TCAF1: variants seen among roughly 807,000 people sequenced by gnomAD.
The protein encoded by TCAF1 is TRPM8 channel-associated factor 1.
TCAF1 carries 4 observed loss-of-function variants against 27.3 expected under a neutral mutation model. That is an observed-to-expected ratio of 0.15 (90% CI 0.07 to 0.34). TCAF1 has a LOEUF of 0.34. Ranked by LOEUF, TCAF1 falls within the 10% of genes least tolerant of loss-of-function variation. The pLI is 1.00. For missense variants in TCAF1, 257 were observed against 425.8 expected (o/e 0.60, Z 3.49); for synonymous variants, 105 against 167.1 (o/e 0.63, Z 2.87).
chr7:143,887,856 C>T (rs1813482931), intron 1 of TCAF1, among the ~76,000 whole-genome samples: 1 of 152,092 alleles, frequency 6.6e-6, no homozygotes, highest in Non-Finnish European at 1.5e-5. Flanking sequence ...AGAGTACATA[C>T]TATATTGTTA....
chr7:143,885,959 C>T (rs993870001), intron 1 of TCAF1, among the ~76,000 whole-genome samples: 1 of 152,188 alleles, frequency 6.6e-6, no homozygotes, highest in African/African-American at 2.4e-5. Flanking sequence ...AATATCCTCA[C>T]CCAAGCAGCT....
intron 1 of TCAF1, among the ~76,000 whole-genome samples, chr7:143,887,417 G>GA (rs1813460019): frequency 6.6e-6 from 1 of 152,134 alleles, no homozygotes; most frequent in African/African-American, 2.4e-5. Flanking sequence ...AAAACATAAG[G>GA]ACAAATTTGG....
chr7:143,894,112 A>T (rs960371179), intron 1 of TCAF1, among the ~76,000 whole-genome samples: 1 of 151,880 alleles, frequency 6.6e-6, no homozygotes, highest in Non-Finnish European at 1.5e-5. Context: ...TAAATTTAAC[A>T]AACTCAGATG....
At chr7:143,891,690 G>A (rs1813643222) in intron 1 of TCAF1, among the ~76,000 whole-genome samples, 1 of 152,026 alleles carries the variant, frequency 6.6e-6, no homozygotes, top group African/African-American at 2.4e-5. Flanking sequence ...AGTCCCAGAC[G>A]GAAAGGAAGG....
At chr7:143,871,413 A>ATAG (rs1812457536) in intron 2 of TCAF1, among the ~76,000 whole-genome samples, 1 of 63,354 alleles carries the variant, frequency 1.6e-5, no homozygotes, top group Non-Finnish European at 3.3e-5. Flanking sequence ...ATCCATGAGT[A>ATAG]TAGGGTGATA....
intron 1 of TCAF1, among the ~76,000 whole-genome samples, chr7:143,880,187 G>C (rs112641005): frequency 6.6e-6 from 1 of 152,212 alleles, no homozygotes; most frequent in Non-Finnish European, 1.5e-5. Flanking sequence ...CGTGATTTCT[G>C]TAACTTATTT....
intron 1 of TCAF1, among the ~76,000 whole-genome samples, chr7:143,892,935 C>T (rs1813712881): frequency 6.6e-6 from 1 of 152,140 alleles, no homozygotes; most frequent in African/African-American, 2.4e-5. Context: ...TGTTTAACCA[C>T]CAGTCTATCA....
intron 1 of TCAF1, among the ~76,000 whole-genome samples, chr7:143,888,484 G>A (rs1007255674): frequency 6.6e-6 from 1 of 152,230 alleles, no homozygotes; most frequent in African/African-American, 2.4e-5. Flanking sequence ...GTAAATTCAT[G>A]TCACAGAAGA....
Position 143,891,299 on chromosome 7 carries a change from A to T in TCAF1, c.-15+10662T>A, listed in dbSNP as rs549554442. ...AACAGAATAAGTTGCCAATAACTCA[A>T]GAGAAATAACAGAAAATAAACACAG... is the stretch of plus-strand genomic sequence containing the variant. On this transcript the variant is annotated intron_variant, in intron 1 of 8. Coordinates refer to ENST00000479870, the MANE Select transcript of TCAF1 (RefSeq NM_014719.3). 3.3e-5 allele frequency among the ~76,000 whole-genome samples: 5 copies of T among 152,374 alleles called. No homozygotes were observed. The East Asian group carries it at 9.6e-4, about 29-fold the overall frequency.
intron 1 of TCAF1, among the ~76,000 whole-genome samples, chr7:143,900,514 G>A (rs1414114635): frequency 1.3e-5 from 2 of 152,002 alleles, no homozygotes; most frequent in African/African-American, 4.8e-5. Context: ...CCTGGGAGAG[G>A]TCCTCGACCC....
intron 2 of TCAF1, among the ~76,000 whole-genome samples, chr7:143,865,154 CTTTTAT>C (rs1453171319): frequency 7.0e-6 from 1 of 143,004 alleles, no homozygotes; most frequent in Non-Finnish European, 1.5e-5. Flanking sequence ...ATTTTTTTCT[CTTTTAT>C]TTTTGATTTT....
chr7:143,885,153 T>G (rs1813330592), intron 1 of TCAF1: 2 of 985,544 alleles, frequency 2.0e-6, no homozygotes, highest in Non-Finnish European at 2.4e-6. Context: ...GCCCCTGAAT[T>G]GGTCCGTGTG....
In TCAF1 at chr7:143,886,738, T is replaced by A. The variant is rs189144252; in HGVS notation, c.-14-10116A>T. On this transcript the variant is annotated intron_variant, in intron 1 of 8. Transcript: ENST00000479870. Reference sequence around the variant, plus strand: ...TTTTTTTTTTTGAGACAGGGTCTTGTGCTGGAGTGCAGTGGAGCGAGGCTC... The same window carrying A: ...TTTTTTTTTTTGAGACAGGGTCTTGAGCTGGAGTGCAGTGGAGCGAGGCTC... Among the ~76,000 whole-genome samples the A allele has an allele frequency of 1.1e-3, 160 of 143,364 alleles. 4 individuals are homozygous for A. The East Asian group carries it at 0.026, about 23-fold the overall frequency. 94.1% of individuals were successfully genotyped at this position (143,364 alleles called of 152,430 possible).
intron 1 of TCAF1, among the ~76,000 whole-genome samples, chr7:143,897,134 ATATAT>A (rs1813906317): frequency 7.6e-5 from 1 of 13,158 alleles, no homozygotes. Context: ...AATCTTGAAT[ATATAT>A]ATATATATAT....
At chr7:143,865,188 G>GA (rs1356763636) in intron 2 of TCAF1, among the ~76,000 whole-genome samples, 2 of 2,416 alleles carry the variant, frequency 8.3e-4, no homozygotes, top group African/African-American at 1.9e-3. Context: ...AATGGAGAAG[G>GA]GGGGGGGTCT....
At chr7:143,893,931 A>G (rs1029398632) in intron 1 of TCAF1, among the ~76,000 whole-genome samples, 9 of 151,866 alleles carry the variant, frequency 5.9e-5, no homozygotes, top group African/African-American at 2.2e-4. Flanking sequence ...TCAAATTTTA[A>G]AAAATTTAGA....
At chr7:143,891,910 AT>A (rs1272455161) in intron 1 of TCAF1, among the ~76,000 whole-genome samples, 2 of 152,166 alleles carry the variant, frequency 1.3e-5, no homozygotes, top group African/African-American at 4.8e-5. Context: ...TGAACAAAAA[AT>A]ACAGCTAATT....
chr7:143,875,256 C>T (rs779497105), intron 2 of TCAF1, among the ~76,000 whole-genome samples: 4 of 152,140 alleles, frequency 2.6e-5, no homozygotes, highest in Admixed American at 6.5e-5. Context: ...CGGGACTAAT[C>T]CAGCTTATAA....
rs145149161 is a variant in TCAF1 at position 143,876,425 on chromosome 7, C to T, written c.184G>A (p.Val62Met). Residue 62 changes from valine (V) to methionine (M), a missense_variant, in exon 2 of 9, where the codon GTG (valine) becomes ATG (methionine). By Grantham distance (21) the Val-to-Met change is conservative. This residue lies in a region of TCAF1 where 255 missense variants were observed against 260.1 expected (regional missense o/e 0.98). Coordinates refer to ENST00000479870, the MANE Select transcript of TCAF1 (RefSeq NM_014719.3). ...TCCACCAAGTAGTCCTCATGGGACA[C>T]GACCACCAGGCGGCCACGGCCATAG... is the stretch of plus-strand genomic sequence containing the variant. ...SSYGRGRLVV[V>M]SHEDYLVEAQ... The T allele has an allele frequency of 1.2e-4, 191 of 1,611,702 alleles. 2 individuals are homozygous for T. The highest frequency in any genetic ancestry group is 8.7e-4 in the South Asian group (79 of 90,638).
Sources: gnomAD v4.1 joint callset for allele counts (sites outside exome capture counted in the v4.1 genomes callset) on GRCh38, gnomAD v4.1.1 for gene constraint, gnomAD v4.1.1 regional missense constraint, MANE v1.5 for transcripts, NCBI Gene and HGNC (gene_info 2026-07-23, HGNC 2026-07-21) for gene names.